Variants in CHD6 observed in about 807,000 individuals in gnomAD.
The protein encoded by CHD6 is chromodomain helicase DNA binding protein 6, also known as ATP-dependent chromatin remodeler CHD6.
CHD6 carries 50 observed loss-of-function variants against 276.9 expected under a neutral mutation model. The observed-to-expected ratio is 0.18, with a 90% CI of 0.14 to 0.23. The LOEUF (loss-of-function observed/expected upper bound fraction) is 0.23. Ranked by LOEUF, CHD6 falls within the 10% of genes least tolerant of loss-of-function variation. The pLI is 1.00. For synonymous variants in CHD6, 1,173 were observed against 1,229.3 expected, an observed-to-expected ratio of 0.95 and a Z score of 0.96; for missense variants, 2,564 against 3,365.8, an observed-to-expected ratio of 0.76 and a Z score of 5.89.
intron 30 of CHD6, 41 bp downstream of exon 30, chr20:41,423,451 T>C (rs2047260783): frequency 1.9e-6 from 3 of 1,572,542 alleles, no homozygotes; most frequent in Non-Finnish European, 2.6e-6. Flanking sequence ...CAGAATGTTC[T>C]TTCCTTGTAT....
rs377479550 is a variant in CHD6, at chr20:41,447,967, G to C, written c.3688C>G (p.Leu1230Val). The change falls in exon 24 of 37, where the codon CTT becomes GTT. Residue 1230 changes from leucine to valine, a missense_variant. Coordinates refer to ENST00000373233, the MANE Select transcript of CHD6 (RefSeq NM_032221.5). The part of the protein sequence containing the change: ...KHLKQHCNKV[L>V]LRVRMLYYLK... Reference sequence around the variant, plus strand: ...TAGTACAGCATCCGGACTCGCAAAAGTACTCTATGAAAGGTGAACACATTA... The same window carrying C: ...TAGTACAGCATCCGGACTCGCAAAACTACTCTATGAAAGGTGAACACATTA... The C allele has an allele frequency of 3.1e-6, 5 of 1,603,240 alleles. No individual in the cohort carries two copies. The highest frequency in any genetic ancestry group is 4.3e-6 in the Non-Finnish European group (5 of 1,172,292).
At chr20:41,416,840 A>G (rs1469202464) in intron 32 of CHD6, 46 bp from the exon 33 acceptor site, 2 of 1,417,998 alleles carry the variant, frequency 1.4e-6, no homozygotes, top group Non-Finnish European at 1.9e-6. Flanking sequence ...CGAGTTACCT[A>G]AATTCACAAA....
intron 17 of CHD6, among the ~76,000 whole-genome samples, chr20:41,463,139 T>C (rs1190590382): frequency 6.6e-6 from 1 of 152,160 alleles, no homozygotes; most frequent in East Asian, 1.9e-4. Context: ...GAAATAAATA[T>C]AGTAACAGAT....
At position 41,423,480 on chromosome 20, in the gene CHD6, T is replaced by C. The variant is rs1246651533; in HGVS notation, c.4555+12A>G. The C allele has an allele frequency of 6.2e-7, 1 of 1,610,392 alleles. No homozygotes were observed. The highest frequency in any genetic ancestry group is 8.5e-7 in the Non-Finnish European group (1 of 1,176,574). Reference sequence around the variant, plus strand: ...CTTGTATCATCTGACAATATACTGATAGTTTTCTCACCGCCATCTTTCCAT... The same window carrying C: ...CTTGTATCATCTGACAATATACTGACAGTTTTCTCACCGCCATCTTTCCAT... On this transcript the variant is annotated intron_variant, in intron 30 of 36. Transcript: ENST00000373233.
In CHD6 at chr20:41,404,700, C is replaced by CGCTGGGCTCCCTTTCACA. The variant is rs770605015; in HGVS notation, c.8023_8040dup (p.Cys2675_Ser2680dup). On this transcript the variant is annotated inframe_insertion, in exon 37 of 37. Transcript: ENST00000373233. ...CTGGGTTCGGCACAGTTCTCATCAC[C>CGCTGGGCTCCCTTTCACA]GCTGGGCTCCCTTTCACAGCTGGGA... 1.3e-6 allele frequency: 2 copies of CGCTGGGCTCCCTTTCACA among 1,595,270 alleles called. No homozygotes were observed. Among genetic ancestry groups the CGCTGGGCTCCCTTTCACA allele is most frequent in the Non-Finnish European group, 1.7e-6 (2 of 1,170,648 alleles).
At position 41,445,729 on chromosome 20, in the gene CHD6, C is replaced by A; in HGVS notation, c.3813G>T (p.Glu1271Asp). The A allele has an allele frequency of 6.2e-7, 1 of 1,613,800 alleles. No homozygotes were observed. The highest frequency in any genetic ancestry group is 8.5e-7 in the Non-Finnish European group (1 of 1,179,730). Residue 1271 changes from glutamate (E) to aspartate (D), a missense_variant, in exon 25 of 37, where the codon GAG becomes GAT. Physicochemically the swap from Glu to Asp is conservative, Grantham distance 45. Transcript: ENST00000373233. ...DVPLPDIDYM[E>D]IPVDWWDAEA... is the part of the protein sequence containing the mutation. ...CAGCATCCCACCAGTCCACTGGGAT[C>A]TCCATGTAGTCGATGTCAGGCAGAG...
chr20:41,478,828 A>C (rs933669570), intron 16 of CHD6, among the ~76,000 whole-genome samples: 1 of 152,200 alleles, frequency 6.6e-6, no homozygotes, highest in African/African-American at 2.4e-5. Flanking sequence ...CTAGAACATA[A>C]TATTCACTAG....
chr20:41,487,867 C>T lies in CHD6; in HGVS notation c.1858-59G>A, dbSNP rs1034549451. On this transcript the variant is annotated intron_variant, in intron 13 of 36. Coordinates refer to ENST00000373233, the MANE Select transcript of CHD6 (RefSeq NM_032221.5). Reference sequence around the variant, plus strand: ...TTGAGCCATCAAAATAGTGCATTTTCGTGGGGAAAATTAAGCCAGGGCATT... The same window carrying T: ...TTGAGCCATCAAAATAGTGCATTTTTGTGGGGAAAATTAAGCCAGGGCATT... The T allele has an allele frequency of 3.8e-6, 6 of 1,560,292 alleles. No homozygotes were observed. The South Asian group carries it at 6.1e-5, about 16-fold the overall frequency.
chr20:41,430,310 C>T (rs1038825295), intron 27 of CHD6, among the ~76,000 whole-genome samples: 2 of 152,160 alleles, frequency 1.3e-5, no homozygotes, highest in Non-Finnish European at 2.9e-5. Flanking sequence ...TAAATGAATA[C>T]AAAAGTAATT....
At chr20:41,613,844 T>C (rs970486139) in intron 1 of CHD6, among the ~76,000 whole-genome samples, 1 of 152,118 alleles carries the variant, frequency 6.6e-6, no homozygotes, top group African/African-American at 2.4e-5. Context: ...AAAATTTGCA[T>C]ACTATTTTGG....
At chr20:41,454,271 T>C (rs1288665434) in intron 20 of CHD6, among the ~76,000 whole-genome samples, 1 of 152,236 alleles carries the variant, frequency 6.6e-6, no homozygotes, top group Non-Finnish European at 1.5e-5. Context: ...TTTCCCTCTA[T>C]TATGTGTGAA....
Position 41,452,333 on chromosome 20 carries a change from T to C in CHD6, c.3324-308A>G, listed in dbSNP as rs1431282657. On this transcript the variant is annotated intron_variant, in intron 21 of 36. Transcript: ENST00000373233. The surrounding 1 kb of genome is among the most constrained non-coding windows in gnomAD (Gnocchi z 4.2). ...AATCAAAAAGAGTCCAACAGCACTA[T>C]TCAAAAGCAATGATGAGCTCATGGC... 6.6e-6 allele frequency among the ~76,000 whole-genome samples: 1 copy of C among 152,192 alleles called. No individual in the cohort carries two copies. The highest frequency in any genetic ancestry group is 1.5e-5 in the Non-Finnish European group (1 of 68,042).
chr20:41,417,108 G>T, intron 32 of CHD6, 90 bp downstream of exon 32: 1 of 1,215,416 alleles, frequency 8.2e-7, no homozygotes, highest in Non-Finnish European at 1.2e-6. Context: ...TGAGTTTCTT[G>T]TTCAGAACTA....
chr20:41,415,521 C>T lies in CHD6; in HGVS notation c.6604G>A (p.Gly2202Arg), dbSNP rs200607366. The T allele has an allele frequency of 6.1e-5, 99 of 1,613,974 alleles. No homozygotes were observed. Among genetic ancestry groups the T allele is most frequent in the Non-Finnish European group, 3.9e-5 (46 of 1,179,998 alleles). Residue 2202 changes from glycine (G) to arginine (R), a missense_variant, in exon 34 of 37, where the codon GGG becomes AGG. By Grantham distance (125) the Gly-to-Arg change is moderately radical. Coordinates refer to ENST00000373233, the MANE Select transcript of CHD6 (RefSeq NM_032221.5). ...RGLEQFSATHGHTPIILNGWH... is the reference protein window; with the variant it reads ...RGLEQFSATHRHTPIILNGWH... ...CCATTGAGGATGATAGGGGTGTGCC[C>T]GTGGGTGGCAGAGAACTGCTCCAGG...
At position 41,543,668 on chromosome 20, in the gene CHD6, C is replaced by T. The variant is rs534426779; in HGVS notation, c.33+7637G>A. Among the ~76,000 whole-genome samples the T allele has an allele frequency of 8.5e-5, 13 of 152,248 alleles. No homozygotes were observed. In the South Asian group the frequency reaches 2.7e-3, roughly 32 times the overall value. On this transcript the variant is annotated intron_variant, in intron 2 of 36. Transcript: ENST00000373233. ...ACTTTTCAGCTTCACCCAGAAGGGT[C>T]CCAAGATGAGGGTCATTTTAAACAT... is the stretch of plus-strand genomic sequence containing the variant.
At chr20:41,559,165 C>T (rs1021972172) in intron 1 of CHD6, among the ~76,000 whole-genome samples, 13 of 151,998 alleles carry the variant, frequency 8.6e-5, no homozygotes, top group African/African-American at 2.2e-4. Flanking sequence ...CACACACACA[C>T]ACACACACAC....
intron 8 of CHD6, among the ~76,000 whole-genome samples, chr20:41,496,196 T>C (rs778871022): frequency 5.2e-4 from 79 of 152,370 alleles, no homozygotes; most frequent in Non-Finnish European, 5.4e-4. Flanking sequence ...AGTAAATGTG[T>C]AGTTAATTGA....
At chr20:41,495,865 C>T (rs528551330) in intron 8 of CHD6, among the ~76,000 whole-genome samples, 1 of 152,340 alleles carries the variant, frequency 6.6e-6, no homozygotes, top group South Asian at 2.1e-4. Context: ...TCCTATGATA[C>T]TGAGTTTGAA....
chr20:41,555,207 C>G, intron 1 of CHD6, among the ~76,000 whole-genome samples: 1 of 132,810 alleles, frequency 7.5e-6, no homozygotes, highest in East Asian at 3.1e-4. Context: ...CCTCACCTCC[C>G]GGATGGGGCG....
Sources: gnomAD v4.1 joint callset for allele counts (sites outside exome capture counted in the v4.1 genomes callset) on GRCh38, gnomAD v4.1.1 for gene constraint, Gnocchi (gnomAD v3.1) non-coding constraint, MANE v1.5 for transcripts, NCBI Gene and HGNC (gene_info 2026-07-23, HGNC 2026-07-21) for gene names.